NEDD4L: variants seen among roughly 807,000 people sequenced by gnomAD.
NEDD4L encodes the protein E3 ubiquitin-protein ligase NEDD4-like.
A neutral mutation model predicts 148.9 loss-of-function variants in NEDD4L; 54 were observed. The ratio of observed to expected loss-of-function variants is 0.36; its 90% confidence interval spans 0.29 to 0.45. NEDD4L has a LOEUF of 0.45. NEDD4L is among the 20% of genes least tolerant of loss of function. The pLI, the probability that NEDD4L is intolerant of heterozygous loss-of-function variation, is 1.00. For missense variants in NEDD4L, 856 were observed against 1,233.8 expected (o/e 0.69, Z 4.59); for synonymous variants, 433 against 440.7 (o/e 0.98, Z 0.22).
At chr18:58,328,481 A>T (rs902764614) in intron 9 of NEDD4L, among the ~76,000 whole-genome samples, 8 of 152,222 alleles carry the variant, frequency 5.3e-5, no homozygotes, top group African/African-American at 1.9e-4. Context: ...AGCAGCTGAA[A>T]AAAATTCATG....
At chr18:58,334,551 T>C (rs1241802673) in intron 12 of NEDD4L, among the ~76,000 whole-genome samples, 1 of 152,208 alleles carries the variant, frequency 6.6e-6, no homozygotes, top group Non-Finnish European at 1.5e-5. Context: ...TTACATAAAT[T>C]TGTTTCTTCT....
At chr18:58,207,611 T>A (rs1399624569) in intron 2 of NEDD4L, among the ~76,000 whole-genome samples, 2 of 152,156 alleles carry the variant, frequency 1.3e-5, no homozygotes, top group African/African-American at 2.4e-5. Flanking sequence ...TCCACCTTTT[T>A]AAAATTTCTA....
At chr18:58,212,779 A>ATATTTTAATG (rs1215634720) in intron 2 of NEDD4L, among the ~76,000 whole-genome samples, 3 of 152,148 alleles carry the variant, frequency 2.0e-5, no homozygotes, top group African/African-American at 7.2e-5. Flanking sequence ...GCCTGAATAT[A>ATATTTTAATG]TATTTTTAAA....
At position 58,339,092 on chromosome 18, in the gene NEDD4L, C is replaced by T. The variant is rs149507633; in HGVS notation, c.1126-1946C>T. Among the ~76,000 whole-genome samples, 509 of 147,742 alleles carry T rather than the reference C, an allele frequency of 3.4e-3. 7 individuals are homozygous for T. Among genetic ancestry groups the T allele is most frequent in the Non-Finnish European group, 3.7e-3 (248 of 67,392 alleles). On this transcript the variant is annotated intron_variant, in intron 13 of 30. Coordinates refer to ENST00000400345, the MANE Select transcript of NEDD4L (RefSeq NM_001144967.3). ...TTAAGGTTTCCAGAGCTAAGGTTTCCGGAGCTGAGTTTTCCAGGGGCGGGG... is the reference window on the plus strand; with the variant it reads ...TTAAGGTTTCCAGAGCTAAGGTTTCTGGAGCTGAGTTTTCCAGGGGCGGGG...
intron 2 of NEDD4L, among the ~76,000 whole-genome samples, chr18:58,239,308 A>G (rs1294428541): frequency 6.6e-6 from 1 of 152,196 alleles, no homozygotes; most frequent in African/African-American, 2.4e-5. Flanking sequence ...TCCTTTGGTT[A>G]AGGTTGGGAC....
intron 1 of NEDD4L, among the ~76,000 whole-genome samples, chr18:58,057,730 C>T (rs2082152020): frequency 6.6e-6 from 1 of 152,188 alleles, no homozygotes; most frequent in African/African-American, 2.4e-5. Flanking sequence ...AGCCAGTGAT[C>T]TCACCTAGAT....
intron 1 of NEDD4L, among the ~76,000 whole-genome samples, chr18:58,148,267 G>C (rs1444084673): frequency 6.6e-6 from 1 of 151,920 alleles, no homozygotes; most frequent in Non-Finnish European, 1.5e-5. Flanking sequence ...CCAGGTTTGA[G>C]CAGTTCTCCT....
At chr18:58,316,586 G>C (rs760912621) in intron 6 of NEDD4L, among the ~76,000 whole-genome samples, 1 of 152,226 alleles carries the variant, frequency 6.6e-6, no homozygotes, top group Admixed American at 6.5e-5. Flanking sequence ...GCTGGAACAC[G>C]CACTGAGTTA....
At chr18:58,379,931 G>A (rs1402595290) in intron 24 of NEDD4L, among the ~76,000 whole-genome samples, 2 of 151,670 alleles carry the variant, frequency 1.3e-5, no homozygotes, top group African/African-American at 4.8e-5. Flanking sequence ...GCCCATCCTT[G>A]GGCCCTCTCC....
intron 1 of NEDD4L, 199 bp from the exon 2 acceptor site, chr18:58,165,589 G>A (rs2146611941): frequency 1.4e-6 from 2 of 1,413,216 alleles, no homozygotes; most frequent in Middle Eastern, 2.6e-4. Flanking sequence ...GATGTTCTAA[G>A]TTTCTAGAGT....
At chr18:58,377,660 G>T (rs1332656955) in intron 24 of NEDD4L, among the ~76,000 whole-genome samples, 1 of 152,204 alleles carries the variant, frequency 6.6e-6, no homozygotes, top group African/African-American at 2.4e-5. Flanking sequence ...CCCACCGGGA[G>T]GAGGGGCCCT....
At chr18:58,378,694 A>G (rs1463000466) in intron 24 of NEDD4L, among the ~76,000 whole-genome samples, 1 of 152,104 alleles carries the variant, frequency 6.6e-6, no homozygotes. Flanking sequence ...GCCCTGCAGG[A>G]TTTGTGAGCA....
At chr18:58,119,895 C>A (rs1226228867) in intron 1 of NEDD4L, among the ~76,000 whole-genome samples, 2 of 152,186 alleles carry the variant, frequency 1.3e-5, no homozygotes, top group African/African-American at 4.8e-5. Flanking sequence ...CTCATAGCAG[C>A]CAGGGTCAAG....
Position 58,400,839 on chromosome 18 carries a change from G to T in NEDD4L, c.*4570G>T, listed in dbSNP as rs1348592263. The stretch of plus-strand genomic sequence containing the variant: ...AGACTGATTTCACCTAGATTGTCAC[G>T]GTTTCCTTCATGTTAACTTTGCGTG... On this transcript the variant is annotated 3_prime_UTR_variant, in exon 31 of 31. Transcript: ENST00000400345. 2.0e-5 allele frequency: 3 copies of T among 152,068 alleles called. No homozygotes were observed. The highest frequency in any genetic ancestry group is 7.3e-5 in the African/African-American group (3 of 41,360). 9.4% of individuals were successfully genotyped at this position (152,068 alleles called of 1,614,324 possible). A position where few individuals can be genotyped will look rare whatever the true frequency, so the allele number is the denominator to read the frequency against.
At chr18:58,249,410 C>T (rs2047641878) in intron 4 of NEDD4L, among the ~76,000 whole-genome samples, 1 of 152,138 alleles carries the variant, frequency 6.6e-6, no homozygotes, top group Non-Finnish European at 1.5e-5. Flanking sequence ...AAAATTACTT[C>T]TGGAATCTAA....
chr18:58,072,720 T>C (rs1226348705), intron 1 of NEDD4L, among the ~76,000 whole-genome samples: 2 of 152,232 alleles, frequency 1.3e-5, no homozygotes, highest in Non-Finnish European at 2.9e-5. Context: ...CTGGAGATTC[T>C]ATCTAGGACA....
At chr18:58,312,639 C>G (rs907824594) in intron 5 of NEDD4L, among the ~76,000 whole-genome samples, 2 of 152,146 alleles carry the variant, frequency 1.3e-5, no homozygotes, top group Non-Finnish European at 2.9e-5. Flanking sequence ...CTCTGATCCC[C>G]TGTTAGATCT....
At chr18:58,057,717 G>A (rs1476709230) in intron 1 of NEDD4L, among the ~76,000 whole-genome samples, 1 of 152,154 alleles carries the variant, frequency 6.6e-6, no homozygotes, top group African/African-American at 2.4e-5. Context: ...GGCTGGTAAT[G>A]GCAGCCAGTG....
At chr18:58,114,340 TA>T (rs747426397) in intron 1 of NEDD4L, among the ~76,000 whole-genome samples, 6 of 150,024 alleles carry the variant, frequency 4.0e-5, no homozygotes, top group South Asian at 2.1e-4. Context: ...TTGGGAGATT[TA>T]AAAAAAATAT....
Sources: gnomAD v4.1 joint callset for allele counts (sites outside exome capture counted in the v4.1 genomes callset) on GRCh38, gnomAD v4.1.1 for gene constraint, MANE v1.5 for transcripts, NCBI Gene and HGNC (gene_info 2026-07-23, HGNC 2026-07-21) for gene names.